Variants in SLC44A5 observed in about 807,000 individuals in gnomAD.
SLC44A5 encodes the protein solute carrier family 44 member 5, also known as choline transporter-like protein 5.
Under a neutral mutation model 101.8 loss-of-function variants are expected in SLC44A5, and 57 were observed. The observed-to-expected ratio is 0.56, with a 90% confidence interval of 0.45 to 0.70. SLC44A5 has a LOEUF of 0.70. SLC44A5 is among the 30% of genes least tolerant of loss of function. The probability of loss-of-function intolerance (pLI) is 0.00; values close to 1 mark genes in which losing one functional copy is unlikely to be tolerated. For missense variants in SLC44A5, 737 were observed against 853.1 expected, an observed-to-expected ratio of 0.86 and a Z score of 1.70; for synonymous variants, 281 against 290.9, an observed-to-expected ratio of 0.97 and a Z score of 0.35.
chr1:75,604,646 T>C (rs1675212267), intron 1 of SLC44A5, among the ~76,000 whole-genome samples: 1 of 152,052 alleles, frequency 6.6e-6, no homozygotes, highest in South Asian at 2.1e-4. Context: ...CAATCCATGA[T>C]CATGGAATGT....
intron 5 of SLC44A5, among the ~76,000 whole-genome samples, chr1:75,289,059 T>C (rs1317232842): frequency 6.6e-6 from 1 of 152,202 alleles, no homozygotes; most frequent in African/African-American, 2.4e-5. Context: ...TACAGGAGTC[T>C]TCCACCTCAT....
chr1:75,650,962 C>A, the SLC44A5 span, among the ~76,000 whole-genome samples: 2 of 152,166 alleles, frequency 1.3e-5, no homozygotes, highest in African/African-American at 2.4e-5. Flanking sequence ...GTCCTTTATA[C>A]CCAGACTGTC....
At chr1:75,571,861 TAAAG>T (rs1673093715) in intron 1 of SLC44A5, among the ~76,000 whole-genome samples, 1 of 152,008 alleles carries the variant, frequency 6.6e-6, no homozygotes, top group South Asian at 2.1e-4. Context: ...AAAACAAAGA[TAAAG>T]AAAAGATCTT....
At chr1:75,641,884 G>A in the SLC44A5 span, 36 of 1,566,662 alleles carry the variant, frequency 2.3e-5, no homozygotes, top group East Asian at 4.0e-4. Context: ...ATTTAAATAA[G>A]GAGACCCATT....
At chr1:75,386,106 T>G (rs1030765850) in intron 3 of SLC44A5, among the ~76,000 whole-genome samples, 99 of 151,714 alleles carry the variant, frequency 6.5e-4, no homozygotes, top group African/African-American at 2.4e-3. Flanking sequence ...AATATCATAC[T>G]GAATGGGCAA....
upstream of SLC44A5, among the ~76,000 whole-genome samples, chr1:75,614,469 G>C (rs1268147695): frequency 6.6e-6 from 1 of 152,114 alleles, no homozygotes; most frequent in East Asian, 1.9e-4. Context: ...GATTTTAAAC[G>C]CTTTCCAGTA....
chr1:75,612,209 G>A (rs1361084028), upstream of SLC44A5, among the ~76,000 whole-genome samples: 1 of 152,108 alleles, frequency 6.6e-6, no homozygotes, highest in African/African-American at 2.4e-5. Context: ...TTGGCCTAGG[G>A]AGTTGATGTA....
intron 2 of SLC44A5, among the ~76,000 whole-genome samples, chr1:75,519,446 G>A (rs935141656): frequency 8.6e-5 from 13 of 151,940 alleles, no homozygotes; most frequent in East Asian, 3.9e-4. Flanking sequence ...TAATCCCAGC[G>A]ACTTGGGAGG....
At chr1:75,623,282 G>A in the SLC44A5 span, among the ~76,000 whole-genome samples, 1,901 of 152,140 alleles carry the variant, frequency 0.012, 58 homozygotes, top group African/African-American at 0.044. Context: ...AGAGTGTCAA[G>A]GAAGATTCCT....
intron 5 of SLC44A5, among the ~76,000 whole-genome samples, chr1:75,291,733 C>T (rs1002071966): frequency 1.3e-4 from 20 of 151,982 alleles, no homozygotes; most frequent in East Asian, 1.9e-4. Flanking sequence ...CAGGGTAGGC[C>T]GGGCACGTTG....
intron 2 of SLC44A5, chr1:75,522,026 C>T (rs1670156795): frequency 6.6e-6 from 1 of 152,382 alleles, no homozygotes; most frequent in Non-Finnish European, 1.5e-5. Context: ...GGAAGCACAA[C>T]ACTCACAGTG....
chr1:75,295,385 AG>A (rs1653886193), intron 5 of SLC44A5, among the ~76,000 whole-genome samples: 1 of 152,202 alleles, frequency 6.6e-6, no homozygotes, highest in Non-Finnish European at 1.5e-5. Context: ...GGATAGAGGA[AG>A]ACTAACTTGC....
the SLC44A5 span, among the ~76,000 whole-genome samples, chr1:75,654,090 G>A: frequency 1.3e-5 from 2 of 151,936 alleles, no homozygotes; most frequent in African/African-American, 4.8e-5. Flanking sequence ...ATAATTTTCT[G>A]GTTAAATTAT....
At chr1:75,456,544 A>G (rs1210524233) in intron 2 of SLC44A5, among the ~76,000 whole-genome samples, 5 of 152,210 alleles carry the variant, frequency 3.3e-5, no homozygotes, top group African/African-American at 1.2e-4. Context: ...AATTAGTCTT[A>G]CATATTTGAT....
chr1:75,615,723 C>T, upstream of SLC44A5: 2 of 488,550 alleles, frequency 4.1e-6, no homozygotes, highest in African/African-American at 2.1e-5. Context: ...ACCCCCTCCC[C>T]GGACACGGCA....
chr1:75,679,263 G>A, the SLC44A5 span, among the ~76,000 whole-genome samples: 39,321 of 151,950 alleles, frequency 0.26, 5,420 homozygotes, highest in Middle Eastern at 0.37. Flanking sequence ...CACAGAGAAC[G>A]CCACAAAGAT....
At position 75,393,374 on chromosome 1, in the gene SLC44A5, A is replaced by T. The variant is rs189719885; in HGVS notation, c.52+3209T>A. ...TGTATACATACACATATGCCCATAC[A>T]TATGTATACATATGACAATGTAATC... On this transcript the variant is annotated intron_variant, in intron 3 of 23. Coordinates refer to ENST00000370859, the MANE Select transcript of SLC44A5 (RefSeq NM_001130058.2). Among the ~76,000 whole-genome samples the T allele has an allele frequency of 2.4e-4, 36 of 152,346 alleles. No individual in the cohort carries two copies. The East Asian group carries it at 6.9e-3, about 29-fold the overall frequency.
chr1:75,425,429 T>C (rs1664251497), intron 2 of SLC44A5, among the ~76,000 whole-genome samples: 2 of 152,200 alleles, frequency 1.3e-5, no homozygotes, highest in African/African-American at 4.8e-5. Flanking sequence ...GATAAAGCTG[T>C]GAAGTCCCGA....
At chr1:75,618,197 A>C in the SLC44A5 span, among the ~76,000 whole-genome samples, 1 of 152,240 alleles carries the variant, frequency 6.6e-6, no homozygotes, top group Non-Finnish European at 1.5e-5. Context: ...ACTCAAATTT[A>C]GTTGACTAGT....
Sources: allele counts gnomAD v4.1 joint callset (sites outside exome capture counted in the v4.1 genomes callset), GRCh38; gene constraint gnomAD v4.1.1; transcripts MANE v1.5; gene names NCBI Gene and HGNC (gene_info 2026-07-23, HGNC 2026-07-21).